CNTN5: variants seen among roughly 807,000 people sequenced by gnomAD.
CNTN5 encodes contactin-5.
A neutral mutation model predicts 129.1 loss-of-function variants in CNTN5; 77 were observed. The observed-to-expected ratio is 0.60, with a 90% CI of 0.50 to 0.72. The LOEUF (loss-of-function observed/expected upper bound fraction) is 0.72. CNTN5 is among the 30% of genes least tolerant of loss of function. CNTN5 has a pLI of 0.00. For synonymous variants in CNTN5, 509 were observed against 465.6 expected (o/e 1.09, Z -1.20); for missense variants, 1,478 against 1,328.8 (o/e 1.11, Z -1.75).
At chr11:99,444,455 A>G (rs995541190) in intron 2 of CNTN5, among the ~76,000 whole-genome samples, 5 of 152,170 alleles carry the variant, frequency 3.3e-5, no homozygotes, top group Admixed American at 2.6e-4. Flanking sequence ...AAAATGCCCA[A>G]TCTCACTATG....
intron 3 of CNTN5, among the ~76,000 whole-genome samples, chr11:99,754,763 T>C (rs966347152): frequency 2.0e-5 from 3 of 152,148 alleles, no homozygotes; most frequent in Non-Finnish European, 2.9e-5. Flanking sequence ...ATTTGACACA[T>C]ACTTATTACC....
At chr11:100,293,429 A>G (rs188739573) in intron 18 of CNTN5, among the ~76,000 whole-genome samples, 1 of 151,920 alleles carries the variant, frequency 6.6e-6, no homozygotes, top group East Asian at 1.9e-4. Flanking sequence ...AAACAATATT[A>G]TTGGAATATC....
chr11:99,329,266 G>T (rs1172834000), intron 2 of CNTN5, among the ~76,000 whole-genome samples: 1 of 152,160 alleles, frequency 6.6e-6, no homozygotes, highest in Non-Finnish European at 1.5e-5. Context: ...TTGCTAGTGT[G>T]ACACAAGGCA....
At chr11:100,155,289 A>G (rs192430048) in intron 13 of CNTN5, among the ~76,000 whole-genome samples, 1 of 152,148 alleles carries the variant, frequency 6.6e-6, no homozygotes, top group East Asian at 1.9e-4. Context: ...TCCTTTCCAC[A>G]TTGCTTGTTT....
intron 3 of CNTN5, among the ~76,000 whole-genome samples, chr11:99,589,720 A>G (rs1270361599): frequency 6.6e-6 from 1 of 152,238 alleles, no homozygotes; most frequent in Non-Finnish European, 1.5e-5. Context: ...GTTAATATCA[A>G]CTTAAAAGTT....
chr11:99,338,056 A>G (rs1012710272), intron 2 of CNTN5, among the ~76,000 whole-genome samples: 4 of 152,170 alleles, frequency 2.6e-5, no homozygotes, highest in Admixed American at 2.6e-4. Flanking sequence ...GTAAAATAGA[A>G]AATTAATTTT....
chr11:99,163,566 A>G (rs1170034621), intron 1 of CNTN5, among the ~76,000 whole-genome samples: 1 of 152,118 alleles, frequency 6.6e-6, no homozygotes, highest in Non-Finnish European at 1.5e-5. Context: ...ATAATGTCAT[A>G]CTTTGTTTAT....
chr11:100,328,514 C>CA (rs1295477754), intron 21 of CNTN5, among the ~76,000 whole-genome samples: 1 of 152,090 alleles, frequency 6.6e-6, no homozygotes, highest in African/African-American at 2.4e-5. Flanking sequence ...ACAATAATGG[C>CA]AGGAAGGCAA....
intron 2 of CNTN5, among the ~76,000 whole-genome samples, chr11:99,545,057 A>T (rs1948246317): frequency 6.6e-6 from 1 of 152,196 alleles, no homozygotes; most frequent in Non-Finnish European, 1.5e-5. Flanking sequence ...ATATTTTATA[A>T]CTATAGTATA....
At chr11:99,629,435 A>C (rs1377410516) in intron 3 of CNTN5, among the ~76,000 whole-genome samples, 1 of 151,972 alleles carries the variant, frequency 6.6e-6, no homozygotes, top group African/African-American at 2.4e-5. Context: ...TTTTCTCAGG[A>C]TCTATTAAGA....
intron 1 of CNTN5, among the ~76,000 whole-genome samples, chr11:99,155,969 A>G (rs1860314128): frequency 6.6e-6 from 1 of 152,122 alleles, no homozygotes; most frequent in Admixed American, 6.5e-5. Flanking sequence ...ACAAGCGAGG[A>G]TAAAACCTAG....
At chr11:100,008,537 A>G (rs1940329017) in intron 9 of CNTN5, among the ~76,000 whole-genome samples, 1 of 152,098 alleles carries the variant, frequency 6.6e-6, no homozygotes, top group African/African-American at 2.4e-5. Flanking sequence ...GGACTGTCAT[A>G]TCTTCCAGGA....
At chr11:99,556,058 A>G (rs1948652931) in intron 2 of CNTN5, 87 bp from the exon 3 acceptor site, 1 of 437,764 alleles carries the variant, frequency 2.3e-6, no homozygotes, top group African/African-American at 2.0e-5. Flanking sequence ...TCATGTTATT[A>G]GGAGATTTTT....
At chr11:99,583,585 G>A (rs941040335) in intron 3 of CNTN5, among the ~76,000 whole-genome samples, 1 of 152,218 alleles carries the variant, frequency 6.6e-6, no homozygotes, top group Non-Finnish European at 1.5e-5. Flanking sequence ...TGCTGTGCTA[G>A]CAATGAGCGA....
intron 3 of CNTN5, among the ~76,000 whole-genome samples, chr11:99,802,413 C>T (rs1165362974): frequency 1.3e-5 from 2 of 152,146 alleles, no homozygotes; most frequent in East Asian, 3.9e-4. Context: ...ACCTACATGT[C>T]CCCTAATGGC....
At chr11:99,599,641 A>G (rs1463846908) in intron 3 of CNTN5, among the ~76,000 whole-genome samples, 2 of 152,124 alleles carry the variant, frequency 1.3e-5, no homozygotes, top group African/African-American at 4.8e-5. Flanking sequence ...CTCCTGATAT[A>G]CCAAGGTTAA....
At chr11:99,093,888 T>C (rs907028060) in intron 1 of CNTN5, among the ~76,000 whole-genome samples, 1 of 151,988 alleles carries the variant, frequency 6.6e-6, no homozygotes, top group Admixed American at 6.6e-5. Flanking sequence ...TTCAAATTAG[T>C]GCCCTTTCCC....
At chr11:99,057,432 G>C (rs1487854961) in intron 1 of CNTN5, among the ~76,000 whole-genome samples, 1 of 151,770 alleles carries the variant, frequency 6.6e-6, no homozygotes, top group African/African-American at 2.4e-5. Flanking sequence ...CTTTCTAAGT[G>C]TGTTTTTAAC....
At chr11:99,597,053 T>C (rs1280098188) in intron 3 of CNTN5, among the ~76,000 whole-genome samples, 1 of 152,192 alleles carries the variant, frequency 6.6e-6, no homozygotes, top group Non-Finnish European at 1.5e-5. Flanking sequence ...CTATACATAG[T>C]ATTCATTTTC....
Sources: gnomAD v4.1 joint callset for allele counts (sites outside exome capture counted in the v4.1 genomes callset) on GRCh38, gnomAD v4.1.1 for gene constraint, MANE v1.5 for transcripts, NCBI Gene and HGNC (gene_info 2026-07-23, HGNC 2026-07-21) for gene names.